The following CD72 variants were observed in gnomAD, a reference collection of about 807,000 sequenced individuals.
CD72 encodes the protein CD72 molecule.
A neutral mutation model predicts 50.7 loss-of-function variants in CD72; 28 were observed. That is an observed-to-expected ratio of 0.55 (90% confidence interval 0.41 to 0.76). The LOEUF (loss-of-function observed/expected upper bound fraction) is 0.76. Ranked by LOEUF, CD72 falls within the 30% of genes least tolerant of loss-of-function variation. The probability of loss-of-function intolerance (pLI) is 0.00; values close to 1 mark genes in which losing one functional copy is unlikely to be tolerated. For missense variants in CD72, 403 were observed against 420.6 expected, an observed-to-expected ratio of 0.96 and a Z score of 0.37; for synonymous variants, 176 against 171.2, an observed-to-expected ratio of 1.03 and a Z score of -0.22.
At chr9:35,611,167 T>C (rs111351944) in intron 7 of CD72, among the ~76,000 whole-genome samples, 3 of 151,282 alleles carry the variant, frequency 2.0e-5, no homozygotes, top group Non-Finnish European at 4.4e-5. Context: ...AGGAGAATGG[T>C]GTGAACCCCT....
intron 1 of CD72, among the ~76,000 whole-genome samples, chr9:35,636,026 A>G (rs1402984306): frequency 6.6e-6 from 1 of 152,186 alleles, no homozygotes; most frequent in African/African-American, 2.4e-5. Context: ...GACTGGGAGT[A>G]GGAATTGGAA....
At chr9:35,618,615 T>A, upstream of CD72, 1 of 609,782 alleles carries the variant, frequency 1.6e-6, no homozygotes, top group Non-Finnish European at 2.7e-6. Context: ...CCATGCATCT[T>A]AAACCCATAT....
intron 1 of CD72, among the ~76,000 whole-genome samples, chr9:35,628,388 C>T (rs1034330761): frequency 4.6e-5 from 7 of 152,276 alleles, no homozygotes; most frequent in Non-Finnish European, 7.4e-5. Flanking sequence ...GTCAGGAGCT[C>T]GAGACCATCC....
intron 1 of CD72, among the ~76,000 whole-genome samples, chr9:35,632,264 G>A (rs986281184): frequency 4.1e-5 from 6 of 146,640 alleles, no homozygotes; most frequent in African/African-American, 1.5e-4. Context: ...TGCAAGCTCC[G>A]TCTTCCGGGT....
intron 7 of CD72, among the ~76,000 whole-genome samples, chr9:35,611,305 C>G (rs1404557617): frequency 1.3e-5 from 2 of 152,108 alleles, no homozygotes; most frequent in African/African-American, 4.8e-5. Flanking sequence ...GGTTGCCACC[C>G]TGTTTCAGGG....
chr9:35,642,493 C>T (rs1426192605), intron 1 of CD72: 4 of 152,258 alleles, frequency 2.6e-5, no homozygotes, highest in African/African-American at 4.8e-5. Flanking sequence ...CAACCCTTTA[C>T]CACTCCATCA....
At chr9:35,625,967 A>G (rs1823194163) in intron 1 of CD72, among the ~76,000 whole-genome samples, 3 of 152,094 alleles carry the variant, frequency 2.0e-5, no homozygotes, top group Admixed American at 2.0e-4. Flanking sequence ...AAGATCTCTG[A>G]TGGAGATTAA....
chr9:35,637,132 A>G (rs1354157772), intron 1 of CD72, among the ~76,000 whole-genome samples: 1 of 152,058 alleles, frequency 6.6e-6, no homozygotes, highest in Non-Finnish European at 1.5e-5. Flanking sequence ...CACGCTTGAG[A>G]ACGTACTTTG....
chr9:35,644,301 G>A (rs1203098118), intron 1 of CD72, among the ~76,000 whole-genome samples: 2 of 120,022 alleles, frequency 1.7e-5, no homozygotes, highest in African/African-American at 6.3e-5. Flanking sequence ...AGTGAGCCAA[G>A]ATCACACCGC....
intron 1 of CD72, among the ~76,000 whole-genome samples, chr9:35,633,523 G>C (rs1186428536): frequency 6.6e-6 from 1 of 151,940 alleles, no homozygotes; most frequent in Non-Finnish European, 1.5e-5. Flanking sequence ...TTAAAAACCA[G>C]TTTTATTGCA....
intron 1 of CD72, among the ~76,000 whole-genome samples, chr9:35,625,014 T>C (rs1260305223): frequency 6.6e-6 from 1 of 152,112 alleles, no homozygotes; most frequent in Non-Finnish European, 1.5e-5. Context: ...AATCTTAAAA[T>C]TAGGACAGTT....
upstream of CD72, among the ~76,000 whole-genome samples, chr9:35,621,540 T>A (rs1188647918): frequency 6.6e-6 from 1 of 152,152 alleles, no homozygotes; most frequent in Non-Finnish European, 1.5e-5. Context: ...CTCCCAAAAA[T>A]GTTCACACCC....
rs555223149 is a variant in CD72, at chr9:35,631,581, A to G, written n.409-13460T>C. 4.6e-5 allele frequency among the ~76,000 whole-genome samples: 7 copies of G among 152,180 alleles called. No individual in the cohort carries two copies. The East Asian group carries it at 1.2e-3, about 25-fold the overall frequency. ...ATCTTGGAGCCTTTCTTCGTTTTCTATACTCTTGACCAGTTTAAACGGCAT... is the reference window on the plus strand; with the variant it reads ...ATCTTGGAGCCTTTCTTCGTTTTCTGTACTCTTGACCAGTTTAAACGGCAT... On this transcript the variant is annotated intron_variant and non_coding_transcript_variant, in intron 1 of 3. Coordinates refer to the CD72 transcript ENST00000465754.
chr9:35,638,886 A>G (rs1236494871), intron 1 of CD72, among the ~76,000 whole-genome samples: 1 of 152,222 alleles, frequency 6.6e-6, no homozygotes, highest in Non-Finnish European at 1.5e-5. Flanking sequence ...GGCAGCACAC[A>G]AAGCTGTTAA....
upstream of CD72, among the ~76,000 whole-genome samples, chr9:35,622,557 G>T (rs1823154014): frequency 6.6e-6 from 1 of 151,996 alleles, no homozygotes; most frequent in Non-Finnish European, 1.5e-5. Flanking sequence ...GGGAAGCCAA[G>T]GTGCACAGAT....
upstream of CD72, chr9:35,618,529 C>T (rs1386279185): frequency 3.8e-6 from 4 of 1,053,762 alleles, no homozygotes; most frequent in Non-Finnish European, 5.6e-6. Flanking sequence ...CCAGAGGGGC[C>T]ACGGAGGGGA....
chr9:35,618,983 T>C (rs1305091663), upstream of CD72: 1 of 318,096 alleles, frequency 3.1e-6, no homozygotes, highest in East Asian at 8.9e-5. Context: ...AGCAAGGGAG[T>C]TGCAGAGGGC....
rs1409958165 is a variant in CD72, at chr9:35,616,032, T to C, written c.599A>G (p.Gln200Arg). Residue 200 changes from glutamine to arginine, a missense_variant, in exon 5 of 9, where the codon CAA (glutamine) becomes CGA (arginine). Coordinates refer to ENST00000259633, the MANE Select transcript of CD72 (RefSeq NM_001782.3). The stretch of plus-strand genomic sequence containing the variant: ...GGCCCTCCTCTGTTGCTCCTCACTT[T>C]GCAAGGTCTCCTTCGTCTTCTGTCT... ...ADRQKTKETL[Q>R]SEEQQRRALE... 2 of 1,614,130 alleles carry C rather than the reference T, an allele frequency of 1.2e-6. No individual in the cohort carries two copies. Among genetic ancestry groups the C allele is most frequent in the Middle Eastern group, 1.6e-4 (1 of 6,062 alleles).
chr9:35,632,273 G>T (rs928995581), intron 1 of CD72, among the ~76,000 whole-genome samples: 1 of 151,506 alleles, frequency 6.6e-6, no homozygotes, highest in African/African-American at 2.4e-5. Context: ...CGTCTTCCGG[G>T]TTCACGCCAT....
Sources: gnomAD v4.1 joint callset for allele counts (sites outside exome capture counted in the v4.1 genomes callset) on GRCh38, gnomAD v4.1.1 for gene constraint, MANE v1.5 for transcripts, NCBI Gene and HGNC (gene_info 2026-07-23, HGNC 2026-07-21) for gene names.